ZFPM2: variants seen among roughly 807,000 people sequenced by gnomAD.
The protein encoded by ZFPM2 is zinc finger protein ZFPM2.
In ZFPM2, 20 loss-of-function variants were observed where a neutral mutation model predicts 98.6. That is an observed-to-expected ratio of 0.20 (90% CI 0.14 to 0.29). The LOEUF (loss-of-function observed/expected upper bound fraction) is 0.29, where lower values mean the gene tolerates loss of function less well. Ranked by LOEUF, ZFPM2 falls within the 10% of genes least tolerant of loss-of-function variation. ZFPM2 has a pLI of 1.00. For missense variants in ZFPM2, 1,310 were observed against 1,388.6 expected, an observed-to-expected ratio of 0.94 and a Z score of 0.90; for synonymous variants, 518 against 502.7, an observed-to-expected ratio of 1.03 and a Z score of -0.41.
intron 1 of ZFPM2, among the ~76,000 whole-genome samples, chr8:105,321,584 AG>A: frequency 6.6e-6 from 1 of 152,294 alleles, no homozygotes; most frequent in East Asian, 1.9e-4. Flanking sequence ...AAGGACAAAA[AG>A]GTTGTTGGGC....
chr8:105,774,286 A>T (rs1285984740), intron 5 of ZFPM2, among the ~76,000 whole-genome samples: 1 of 152,214 alleles, frequency 6.6e-6, no homozygotes, highest in Non-Finnish European at 1.5e-5. Flanking sequence ...ATAATTACTT[A>T]TGCAGAATCT....
At chr8:105,718,659 C>CT (rs1811583232) in intron 5 of ZFPM2, among the ~76,000 whole-genome samples, 1 of 150,788 alleles carries the variant, frequency 6.6e-6, no homozygotes, top group Non-Finnish European at 1.5e-5. Context: ...ATTTTTTTTT[C>CT]TTTTTAAACA....
intron 3 of ZFPM2, among the ~76,000 whole-genome samples, chr8:105,517,698 ACACACACAC>A (rs1190625205): frequency 2.7e-5 from 2 of 73,302 alleles, no homozygotes; most frequent in African/African-American, 2.0e-4. Context: ...CACACCACAC[ACACACACAC>A]CACACACACA....
chr8:105,588,453 A>G (rs1412186363), intron 4 of ZFPM2, among the ~76,000 whole-genome samples: 1 of 152,068 alleles, frequency 6.6e-6, no homozygotes, highest in Non-Finnish European at 1.5e-5. Flanking sequence ...TATAAAAACT[A>G]GTATCAAAAT....
intron 5 of ZFPM2, among the ~76,000 whole-genome samples, chr8:105,703,040 G>T (rs530037261): frequency 4.6e-5 from 7 of 152,240 alleles, no homozygotes; most frequent in African/African-American, 9.6e-5. Flanking sequence ...AATGAGTTTT[G>T]CTTGGACTCC....
intron 4 of ZFPM2, among the ~76,000 whole-genome samples, chr8:105,587,797 T>A (rs1815755644): frequency 6.6e-6 from 1 of 152,172 alleles, no homozygotes; most frequent in Admixed American, 6.5e-5. Context: ...GTGGGGGCTG[T>A]CCTTTGCATT....
At chr8:105,582,040 C>A (rs1475241584) in intron 4 of ZFPM2, among the ~76,000 whole-genome samples, 2 of 152,180 alleles carry the variant, frequency 1.3e-5, no homozygotes, top group Non-Finnish European at 2.9e-5. Flanking sequence ...GTGCCTGTTT[C>A]TGTTTAATAG....
chr8:105,329,634 T>A (rs1454838457), intron 1 of ZFPM2, among the ~76,000 whole-genome samples: 1 of 151,810 alleles, frequency 6.6e-6, no homozygotes, highest in Non-Finnish European at 1.5e-5. Context: ...TGAAGAAATA[T>A]AGGTTTTCTG....
chr8:105,514,307 CTTT>C (rs56955237), intron 3 of ZFPM2, among the ~76,000 whole-genome samples: 27 of 127,562 alleles, frequency 2.1e-4, no homozygotes, highest in East Asian at 2.8e-4. Flanking sequence ...CTGGTCGTGT[CTTT>C]TTTTTTTTTT....
intron 5 of ZFPM2, among the ~76,000 whole-genome samples, chr8:105,643,707 A>C (rs1816987878): frequency 6.6e-6 from 1 of 152,162 alleles, no homozygotes. Flanking sequence ...GACAATCAAA[A>C]TTTGTTCTCC....
At chr8:105,556,184 C>T (rs765931184) in intron 3 of ZFPM2, among the ~76,000 whole-genome samples, 1 of 152,082 alleles carries the variant, frequency 6.6e-6, no homozygotes, top group Non-Finnish European at 1.5e-5. Context: ...GGGTTGTCTA[C>T]ATCTGAGTTG....
chr8:105,643,785 A>G (rs969740795), intron 5 of ZFPM2, among the ~76,000 whole-genome samples: 1 of 152,180 alleles, frequency 6.6e-6, no homozygotes, highest in African/African-American at 2.4e-5. Context: ...CTGTTAAATA[A>G]TGTCTTTACT....
chr8:105,583,422 A>G (rs1398372308), intron 4 of ZFPM2, among the ~76,000 whole-genome samples: 1 of 152,130 alleles, frequency 6.6e-6, no homozygotes. Context: ...AAGCTTTCTA[A>G]TGCTTACAGA....
chr8:105,472,247 G>A (rs1812919132), intron 3 of ZFPM2, among the ~76,000 whole-genome samples: 1 of 152,084 alleles, frequency 6.6e-6, no homozygotes, highest in Admixed American at 6.5e-5. Flanking sequence ...TATTTCCATG[G>A]TACTACCAAG....
At chr8:105,365,059 A>T (rs1302732228) in intron 1 of ZFPM2, among the ~76,000 whole-genome samples, 1 of 152,148 alleles carries the variant, frequency 6.6e-6, no homozygotes, top group Non-Finnish European at 1.5e-5. Context: ...TCACTCTGAT[A>T]AGACCAGCTT....
At chr8:105,797,327 G>T (rs1482019472) in intron 6 of ZFPM2, 1 of 152,152 alleles carries the variant, frequency 6.6e-6, no homozygotes, top group Non-Finnish European at 1.5e-5. Flanking sequence ...TATGGTACCA[G>T]TATTAGCTAC....
chr8:105,480,774 G>A (rs1214336928), intron 3 of ZFPM2, among the ~76,000 whole-genome samples: 6 of 148,430 alleles, frequency 4.0e-5, no homozygotes, highest in Admixed American at 6.7e-5. Context: ...TTTTTGAGAC[G>A]GACTTTTGCT....
chr8:105,767,075 A>G (rs969220593), intron 5 of ZFPM2, among the ~76,000 whole-genome samples: 3 of 151,886 alleles, frequency 2.0e-5, no homozygotes, highest in Non-Finnish European at 2.9e-5. Context: ...AATGCCAGTC[A>G]AAGATACAAT....
intron 5 of ZFPM2, among the ~76,000 whole-genome samples, chr8:105,703,554 C>A (rs927072554): frequency 6.6e-6 from 1 of 151,876 alleles, no homozygotes; most frequent in South Asian, 2.1e-4. Context: ...AGGAAATGGG[C>A]AGAATCTCAG....
Sources: gnomAD v4.1 joint callset for allele counts (sites outside exome capture counted in the v4.1 genomes callset) on GRCh38, gnomAD v4.1.1 for gene constraint, MANE v1.5 for transcripts, NCBI Gene and HGNC (gene_info 2026-07-23, HGNC 2026-07-21) for gene names.